The following GABRB1 variants were observed in gnomAD, a reference collection of about 807,000 sequenced individuals.
The protein encoded by GABRB1 is gamma-aminobutyric acid type A receptor subunit beta1, also known as gamma-aminobutyric acid receptor subunit beta-1.
GABRB1 carries 17 observed loss-of-function variants against 51.6 expected under a neutral mutation model. The ratio of observed to expected loss-of-function variants is 0.33; its 90% confidence interval spans 0.23 to 0.49. The LOEUF (loss-of-function observed/expected upper bound fraction) is 0.49. GABRB1 is among the 20% of genes least tolerant of loss of function. GABRB1 has a pLI of 0.99. For missense variants in GABRB1, 410 were observed against 600.6 expected, an observed-to-expected ratio of 0.68 and a Z score of 3.32; for synonymous variants, 247 against 218.9, an observed-to-expected ratio of 1.13 and a Z score of -1.14.
In GABRB1 at chr4:47,339,367, G is replaced by T. The variant is rs913578121; in HGVS notation, c.544+19158G>T. 2.6e-5 allele frequency among the ~76,000 whole-genome samples: 4 copies of T among 152,170 alleles called. 1 individual carries two copies. The South Asian group carries it at 8.3e-4, about 32-fold the overall frequency. ...TGAGCTGTTGAAAGCTCTGTTCAGT[G>T]CCAGCAAGAAACTCAACAATTCTGA... On this transcript the variant is annotated intron_variant, in intron 5 of 8. Coordinates refer to ENST00000295454, the MANE Select transcript of GABRB1 (RefSeq NM_000812.4).
intron 8 of GABRB1, among the ~76,000 whole-genome samples, chr4:47,421,319 T>G (rs1729084870): frequency 6.6e-6 from 1 of 152,124 alleles, no homozygotes; most frequent in Non-Finnish European, 1.5e-5. Flanking sequence ...TTGTTAACCC[T>G]GACTTCTGTT....
At chr4:47,167,132 A>G (rs1242019847) in intron 4 of GABRB1, among the ~76,000 whole-genome samples, 1 of 152,156 alleles carries the variant, frequency 6.6e-6, no homozygotes, top group African/African-American at 2.4e-5. Flanking sequence ...TGAAATTAAA[A>G]ATTGTAGGAT....
chr4:47,306,194 C>T (rs1360143446), intron 4 of GABRB1, among the ~76,000 whole-genome samples: 4 of 146,846 alleles, frequency 2.7e-5, no homozygotes, highest in Non-Finnish European at 5.9e-5. Flanking sequence ...CAAACCTGCA[C>T]ATTCTGCACA....
intron 1 of GABRB1, among the ~76,000 whole-genome samples, chr4:47,021,672 T>C (rs1325317640): frequency 2.0e-5 from 3 of 152,140 alleles, no homozygotes; most frequent in Admixed American, 2.0e-4. Flanking sequence ...TCTTTCTCTA[T>C]CCTGTGTCTT....
intron 4 of GABRB1, among the ~76,000 whole-genome samples, chr4:47,236,915 C>T (rs1043342712): frequency 1.3e-5 from 2 of 152,168 alleles, no homozygotes; most frequent in Admixed American, 1.3e-4. Flanking sequence ...GATTTTAATG[C>T]ATCACTATAA....
chr4:47,088,131 G>A (rs1342272582), intron 3 of GABRB1, among the ~76,000 whole-genome samples: 2 of 152,184 alleles, frequency 1.3e-5, no homozygotes, highest in Non-Finnish European at 1.5e-5. Context: ...CACTTCAAAA[G>A]TAGAAAACGC....
chr4:47,019,690 T>TCTTCTTTC (rs1208648008), intron 1 of GABRB1, among the ~76,000 whole-genome samples: 70 of 117,658 alleles, frequency 5.9e-4, no homozygotes, highest in African/African-American at 1.7e-3. Context: ...CTTCTTTCCT[T>TCTTCTTTC]CTTCTTTCCT....
At chr4:47,358,282 T>C (rs1290068040) in intron 5 of GABRB1, among the ~76,000 whole-genome samples, 3 of 152,038 alleles carry the variant, frequency 2.0e-5, no homozygotes, top group South Asian at 2.1e-4. Context: ...ACCAGTAGGA[T>C]GTATGTGTGT....
At chr4:47,362,449 GC>G (rs1726842413) in intron 5 of GABRB1, among the ~76,000 whole-genome samples, 1 of 152,072 alleles carries the variant, frequency 6.6e-6, no homozygotes, top group Non-Finnish European at 1.5e-5. Flanking sequence ...CTCAGAATTC[GC>G]CCACATTTCT....
intron 3 of GABRB1, among the ~76,000 whole-genome samples, chr4:47,109,515 T>C (rs967689074): frequency 3.9e-5 from 6 of 152,158 alleles, no homozygotes; most frequent in Admixed American, 1.3e-4. Flanking sequence ...TGGTTGCAGG[T>C]AGACTTGAAA....
At chr4:47,027,747 A>G (rs575991341), upstream of GABRB1, among the ~76,000 whole-genome samples, 1 of 151,730 alleles carries the variant, frequency 6.6e-6, no homozygotes, top group Non-Finnish European at 1.5e-5. Context: ...GTATGTAAAC[A>G]TAACAAAGGA....
At chr4:47,299,425 C>A (rs928942145) in intron 4 of GABRB1, among the ~76,000 whole-genome samples, 35 of 152,026 alleles carry the variant, frequency 2.3e-4, no homozygotes, top group Non-Finnish European at 3.8e-4. Context: ...AAAAAGTGGG[C>A]GAAGGACATG....
In GABRB1 at chr4:47,079,404, G is replaced by T. The variant is rs963615782; in HGVS notation, c.240+46920G>T. 7.9e-5 allele frequency among the ~76,000 whole-genome samples: 12 copies of T among 152,154 alleles called. No homozygotes were observed. In the South Asian group the frequency reaches 8.3e-4, roughly 11 times the overall value. On this transcript the variant is annotated intron_variant, in intron 3 of 8. Transcript: ENST00000295454. ...GATTTTCTAGTTTATTTGCATAGAG[G>T]TGTTTATAGTATTCTCTGATGGTAG...
At chr4:47,392,844 G>A (rs917025686) in intron 5 of GABRB1, among the ~76,000 whole-genome samples, 1 of 152,224 alleles carries the variant, frequency 6.6e-6, no homozygotes, top group African/African-American at 2.4e-5. Flanking sequence ...CAATGCTGGA[G>A]CAAATAGTTC....
At chr4:47,115,595 T>C (rs1335322647) in intron 3 of GABRB1, among the ~76,000 whole-genome samples, 1 of 152,102 alleles carries the variant, frequency 6.6e-6, no homozygotes, top group Non-Finnish European at 1.5e-5. Context: ...TTTCTGGTGT[T>C]ATGTTCTAGG....
At chr4:47,206,578 G>T (rs1038801359) in intron 4 of GABRB1, among the ~76,000 whole-genome samples, 12 of 151,916 alleles carry the variant, frequency 7.9e-5, no homozygotes, top group Non-Finnish European at 1.3e-4. Flanking sequence ...TGTGAAGCAT[G>T]TATTTCATTA....
intron 3 of GABRB1, among the ~76,000 whole-genome samples, chr4:47,060,956 C>T (rs971918467): frequency 3.9e-5 from 6 of 152,002 alleles, no homozygotes; most frequent in Admixed American, 2.0e-4. Context: ...GGTTTCAAAT[C>T]GAAGAATTAA....
At chr4:47,306,548 T>C (rs1724477863) in intron 4 of GABRB1, among the ~76,000 whole-genome samples, 1 of 151,898 alleles carries the variant, frequency 6.6e-6, no homozygotes, top group Non-Finnish European at 1.5e-5. Context: ...ACCACCTTCA[T>C]CCCATCCTCT....
intron 3 of GABRB1, among the ~76,000 whole-genome samples, chr4:47,037,925 T>C (rs1725668651): frequency 6.6e-6 from 1 of 152,304 alleles, no homozygotes. Flanking sequence ...GCAGCCTGTC[T>C]CCAGGGTCTG....
Sources: gnomAD v4.1 joint callset for allele counts (sites outside exome capture counted in the v4.1 genomes callset) on GRCh38, gnomAD v4.1.1 for gene constraint, MANE v1.5 for transcripts, NCBI Gene and HGNC (gene_info 2026-07-23, HGNC 2026-07-21) for gene names.